Variants in SLC49A4 observed in about 807,000 individuals in gnomAD.
SLC49A4 encodes the protein solute carrier family 49 member 4, also known as disrupted in renal cancer protein 2.
SLC49A4 carries 36 observed loss-of-function variants against 50.6 expected under a neutral mutation model. That is an observed-to-expected ratio of 0.71 (90% confidence interval 0.55 to 0.94). SLC49A4 has a LOEUF of 0.94. Ranked by LOEUF, SLC49A4 falls within the 40% of genes least tolerant of loss-of-function variation. The pLI is 0.00. For missense variants in SLC49A4, 503 were observed against 605.7 expected, an observed-to-expected ratio of 0.83 and a Z score of 1.78; for synonymous variants, 248 against 241.2, an observed-to-expected ratio of 1.03 and a Z score of -0.26.
At chr3:122,835,125 G>A (rs977637910) in intron 4 of SLC49A4, among the ~76,000 whole-genome samples, 3 of 151,998 alleles carry the variant, frequency 2.0e-5, no homozygotes, top group African/African-American at 4.8e-5. Flanking sequence ...GAATTCTACC[G>A]GACTTTCAAA....
chr3:122,866,266 T>C (rs1387706200), intron 7 of SLC49A4, among the ~76,000 whole-genome samples: 2 of 148,712 alleles, frequency 1.3e-5, no homozygotes, highest in Non-Finnish European at 3.0e-5. Context: ...GGTCTCGAAC[T>C]CCTGAGCTTA....
rs994075662 is a variant in SLC49A4, at chr3:122,815,183, G to T, written c.437+8233G>T. On this transcript the variant is annotated intron_variant, in intron 2 of 8. Coordinates refer to ENST00000261038, the MANE Select transcript of SLC49A4 (RefSeq NM_032839.3). ...TGGCTCACTGCCACCTCCACCTCCT[G>T]GGTTCAAGCAATCCTCCTGCCTCAG... Among the ~76,000 whole-genome samples, 22 of 151,910 alleles carry T rather than the reference G, an allele frequency of 1.4e-4. No homozygotes were observed. The South Asian group carries it at 4.6e-3, about 32-fold the overall frequency.
chr3:122,843,975 A>G (rs1576303715), intron 4 of SLC49A4, among the ~76,000 whole-genome samples: 1 of 152,232 alleles, frequency 6.6e-6, no homozygotes, highest in East Asian at 1.9e-4. Flanking sequence ...TCATCTACTC[A>G]TTCTCATTGT....
intron 7 of SLC49A4, among the ~76,000 whole-genome samples, chr3:122,862,213 A>G (rs574943433): frequency 1.3e-5 from 2 of 152,202 alleles, no homozygotes; most frequent in Non-Finnish European, 2.9e-5. Context: ...AGGATATATC[A>G]TACATGTTAT....
chr3:122,807,760 C>T (rs1429100938), intron 2 of SLC49A4, among the ~76,000 whole-genome samples: 1 of 151,968 alleles, frequency 6.6e-6, no homozygotes, highest in Non-Finnish European at 1.5e-5. Context: ...TACTGGTCTA[C>T]AGATTAAGGT....
At chr3:122,840,608 AT>A (rs1429748124) in intron 4 of SLC49A4, among the ~76,000 whole-genome samples, 1 of 152,152 alleles carries the variant, frequency 6.6e-6, no homozygotes, top group Non-Finnish European at 1.5e-5. Flanking sequence ...ATTAAAACTT[AT>A]TAATGAGATA....
At chr3:122,867,373 G>A (rs1273747759) in intron 7 of SLC49A4, among the ~76,000 whole-genome samples, 3 of 152,094 alleles carry the variant, frequency 2.0e-5, no homozygotes, top group Non-Finnish European at 4.4e-5. Flanking sequence ...GAGTCTGTAA[G>A]CCTTAATCAT....
chr3:122,855,162 T>C (rs1366878277), intron 5 of SLC49A4, among the ~76,000 whole-genome samples: 2 of 152,074 alleles, frequency 1.3e-5, no homozygotes, highest in Non-Finnish European at 2.9e-5. Flanking sequence ...GAAGCTAGTT[T>C]GCACAATGCT....
intron 4 of SLC49A4, among the ~76,000 whole-genome samples, chr3:122,834,425 A>G (rs1327867961): frequency 6.6e-6 from 1 of 152,212 alleles, no homozygotes; most frequent in Non-Finnish European, 1.5e-5. Flanking sequence ...TCAAAACTGT[A>G]CAAACACACG....
At chr3:122,832,882 C>G (rs1197674993) in intron 3 of SLC49A4, among the ~76,000 whole-genome samples, 3 of 152,094 alleles carry the variant, frequency 2.0e-5, no homozygotes, top group African/African-American at 7.2e-5. Flanking sequence ...TTGCTTATCT[C>G]TATACGTCTC....
chr3:122,866,305 A>T (rs1220523440), intron 7 of SLC49A4, among the ~76,000 whole-genome samples: 1 of 151,540 alleles, frequency 6.6e-6, no homozygotes, highest in African/African-American at 2.4e-5. Flanking sequence ...GCCTCCCAAA[A>T]TGTTGGGATT....
intron 3 of SLC49A4, among the ~76,000 whole-genome samples, chr3:122,830,415 A>AT (rs764665926): frequency 5.3e-5 from 8 of 152,218 alleles, no homozygotes; most frequent in Non-Finnish European, 1.2e-4. Context: ...TACAAAACTT[A>AT]TTACAAAGCT....
intron 7 of SLC49A4, among the ~76,000 whole-genome samples, chr3:122,865,459 A>C (rs1225188117): frequency 6.6e-6 from 1 of 151,884 alleles, no homozygotes; most frequent in East Asian, 1.9e-4. Flanking sequence ...AGGCCACAGC[A>C]GTCACTTTTT....
In SLC49A4 at chr3:122,821,718, A is replaced by G. The variant is rs1270413348; in HGVS notation, c.438-5082A>G. On this transcript the variant is annotated intron_variant, in intron 2 of 8. Transcript: ENST00000261038. ...CTCCTAACTTCTGCCCACCCTTCCC[A>G]AGTCCACTGTGCTTGAGACAGTTAT... Among the ~76,000 whole-genome samples, 4 of 152,234 alleles carry G rather than the reference A, an allele frequency of 2.6e-5. No homozygotes were observed. In the East Asian group the frequency reaches 7.7e-4, roughly 29 times the overall value.
chr3:122,795,442 G>A lies in SLC49A4; in HGVS notation c.250G>A (p.Gly84Ser). The change falls in exon 1 of 9, where the codon GGC (glycine) becomes AGC (serine). Residue 84 changes from glycine (G) to serine (S), a missense_variant. Gly to Ser is a moderately conservative substitution (Grantham distance 56). Coordinates refer to ENST00000261038, the MANE Select transcript of SLC49A4 (RefSeq NM_032839.3). ...PIQNSARQAYGFSSWDIALLV... is the reference protein window; with the variant it reads ...PIQNSARQAYSFSSWDIALLV... ...CCAGAACTCGGCGCGCCAGGCCTAC[G>A]GCTTCTCCAGCTGGGACATCGCGCT... 1 of 1,607,618 alleles carries A rather than the reference G, an allele frequency of 6.2e-7. No individual in the cohort carries two copies.
At chr3:122,810,232 A>C (rs1304840866) in intron 2 of SLC49A4, among the ~76,000 whole-genome samples, 1 of 152,186 alleles carries the variant, frequency 6.6e-6, no homozygotes, top group Non-Finnish European at 1.5e-5. Context: ...ATGGTGTTCT[A>C]CTTATATATA....
chr3:122,873,389 A>G (rs1382956056), intron 8 of SLC49A4, among the ~76,000 whole-genome samples: 3 of 152,092 alleles, frequency 2.0e-5, no homozygotes, highest in Non-Finnish European at 4.4e-5. Context: ...TGTGTTGGCC[A>G]GGCTGGTCTG....
At chr3:122,847,839 A>G (rs559188544) in intron 5 of SLC49A4, among the ~76,000 whole-genome samples, 36 of 152,324 alleles carry the variant, frequency 2.4e-4, no homozygotes, top group African/African-American at 8.7e-4. Flanking sequence ...CAGAAAAGAG[A>G]AAGATAAATC....
chr3:122,846,892 C>T (rs1218770276), intron 5 of SLC49A4, among the ~76,000 whole-genome samples: 2 of 152,194 alleles, frequency 1.3e-5, no homozygotes, highest in African/African-American at 4.8e-5. Context: ...CAGAAGAGGG[C>T]TCCCCAGAGG....
Sources: gnomAD v4.1 joint callset for allele counts (sites outside exome capture counted in the v4.1 genomes callset) on GRCh38, gnomAD v4.1.1 for gene constraint, MANE v1.5 for transcripts, NCBI Gene and HGNC (gene_info 2026-07-23, HGNC 2026-07-21) for gene names.